Variants in LINGO2 observed in about 807,000 individuals in gnomAD.
LINGO2 encodes the protein leucine-rich repeat and immunoglobulin-like domain-containing nogo receptor-interacting protein 2.
Under a neutral mutation model 30.6 loss-of-function variants are expected in LINGO2, and 14 were observed. The ratio of observed to expected loss-of-function variants is 0.46; its 90% CI spans 0.30 to 0.72. The LOEUF is 0.72. Among genes scored for constraint, LINGO2 ranks in the 30% least tolerant of loss-of-function variants. LINGO2 has a pLI of 0.07. For synonymous variants in LINGO2, 317 were observed against 288.5 expected (o/e 1.10, Z -1.00); for missense variants, 729 against 751.7 (o/e 0.97, Z 0.35).
chr9:28,058,732 A>T (rs1456975082), intron 4 of LINGO2, among the ~76,000 whole-genome samples: 2 of 152,246 alleles, frequency 1.3e-5, no homozygotes, highest in East Asian at 3.9e-4. Flanking sequence ...TAAAATTCCA[A>T]ACTTATCAAA....
intron 4 of LINGO2, among the ~76,000 whole-genome samples, chr9:28,025,292 G>C (rs1823323644): frequency 1.3e-5 from 2 of 152,286 alleles, no homozygotes. Context: ...CCTGCAGTCT[G>C]CCCTATGGGA....
chr9:28,507,251 ATG>A (rs1820188687), intron 1 of LINGO2, among the ~76,000 whole-genome samples: 1 of 115,490 alleles, frequency 8.7e-6, no homozygotes, highest in Non-Finnish European at 1.8e-5. Flanking sequence ...GCGTGCGCAC[ATG>A]TGTGTGTAGA....
At chr9:28,401,768 C>A (rs1822277442) in intron 2 of LINGO2, among the ~76,000 whole-genome samples, 2 of 152,110 alleles carry the variant, frequency 1.3e-5, no homozygotes, top group Non-Finnish European at 2.9e-5. Context: ...TAAACGCATT[C>A]CTATTTCTCC....
chr9:28,420,981 A>T (rs1269686905), intron 2 of LINGO2, among the ~76,000 whole-genome samples: 1 of 152,096 alleles, frequency 6.6e-6, no homozygotes, highest in Non-Finnish European at 1.5e-5. Context: ...AAATGTTTAA[A>T]GAAAATAATA....
chr9:28,224,907 C>T (rs1821095747), intron 4 of LINGO2, among the ~76,000 whole-genome samples: 1 of 152,026 alleles, frequency 6.6e-6, no homozygotes, highest in Non-Finnish European at 1.5e-5. Context: ...AAAACAGCAA[C>T]ATAAAAACAG....
chr9:29,006,821 C>T, the LINGO2 span, among the ~76,000 whole-genome samples: 1 of 152,040 alleles, frequency 6.6e-6, no homozygotes, highest in African/African-American at 2.4e-5. Context: ...CGAAAAATCT[C>T]AGCTGTAAAA....
At chr9:28,554,482 C>A (rs985850789) in intron 1 of LINGO2, among the ~76,000 whole-genome samples, 1 of 147,586 alleles carries the variant, frequency 6.8e-6, no homozygotes, top group Non-Finnish European at 1.5e-5. Context: ...AATACAGGAG[C>A]ACCCAGACTC....
At chr9:29,155,456 A>C in the LINGO2 span, among the ~76,000 whole-genome samples, 1 of 151,980 alleles carries the variant, frequency 6.6e-6, no homozygotes, top group Admixed American at 6.5e-5. Context: ...ACTGACTACA[A>C]TTCTCTCCCA....
intron 2 of LINGO2, among the ~76,000 whole-genome samples, chr9:28,380,879 G>C (rs1821327823): frequency 6.6e-6 from 1 of 152,048 alleles, no homozygotes; most frequent in Admixed American, 6.6e-5. Context: ...ACATGAATGA[G>C]AAATGCTAGG....
chr9:28,746,426 TC>T, the LINGO2 span, among the ~76,000 whole-genome samples: 54 of 152,204 alleles, frequency 3.5e-4, no homozygotes, highest in Non-Finnish European at 4.7e-4. Context: ...ATCCTGCTTT[TC>T]ATATGATTTT....
rs143321132 is a variant in LINGO2 at position 28,305,816 on chromosome 9, G to A, written c.-245-10450C>T. 7.2e-3 allele frequency among the ~76,000 whole-genome samples: 1,095 copies of A among 152,066 alleles called. 9 individuals carry two copies. The highest frequency in any genetic ancestry group is 0.023 in the African/African-American group (950 of 41,512). On this transcript the variant is annotated intron_variant, in intron 3 of 5. Coordinates refer to ENST00000379992, the Ensembl canonical transcript of LINGO2. ...GGGTTTTCTAACCCATGAATGTGGCGTTCATTCATTCATCTGGTCTTTAAT... is the reference window on the plus strand; with the variant it reads ...GGGTTTTCTAACCCATGAATGTGGCATTCATTCATTCATCTGGTCTTTAAT...
chr9:28,151,243 T>C (rs1253464384), intron 4 of LINGO2, among the ~76,000 whole-genome samples: 2 of 152,094 alleles, frequency 1.3e-5, no homozygotes, highest in Non-Finnish European at 2.9e-5. Context: ...TCAATAACTA[T>C]AATTCATTAT....
the LINGO2 span, among the ~76,000 whole-genome samples, chr9:28,899,048 A>C: frequency 1.1e-5 from 1 of 89,348 alleles, no homozygotes. Flanking sequence ...TAATTTGGAC[A>C]ACTATTGTTT....
the LINGO2 span, among the ~76,000 whole-genome samples, chr9:28,790,325 C>CTTTTT: frequency 2.8e-3 from 297 of 106,268 alleles, 4 homozygotes; most frequent in South Asian, 4.2e-3. Context: ...TCTTTTCTTT[C>CTTTTT]TTTTTTTTTT....
chr9:28,622,735 T>C (rs372902854), intron 1 of LINGO2, among the ~76,000 whole-genome samples: 33,100 of 151,646 alleles, frequency 0.22, 4,274 homozygotes, highest in African/African-American at 0.35. Flanking sequence ...TCTATTTTTT[T>C]TTTTTTTTAG....
chr9:28,881,032 A>C, the LINGO2 span, among the ~76,000 whole-genome samples: 1 of 152,086 alleles, frequency 6.6e-6, no homozygotes, highest in Admixed American at 6.6e-5. Flanking sequence ...TAATGAAAAT[A>C]ATAATCAATA....
chr9:28,767,493 G>A, the LINGO2 span, among the ~76,000 whole-genome samples: 1 of 152,098 alleles, frequency 6.6e-6, no homozygotes, highest in South Asian at 2.1e-4. Flanking sequence ...CATTAAAAAA[G>A]TTTATGCCTG....
At chr9:28,444,102 G>T (rs573996238) in intron 2 of LINGO2, among the ~76,000 whole-genome samples, 23 of 152,166 alleles carry the variant, frequency 1.5e-4, no homozygotes, top group Non-Finnish European at 1.5e-5. Flanking sequence ...ACTCAATAAA[G>T]TTCCTCTCTG....
chr9:28,600,180 A>G (rs150034770), intron 1 of LINGO2, among the ~76,000 whole-genome samples: 1 of 152,292 alleles, frequency 6.6e-6, no homozygotes, highest in African/African-American at 2.4e-5. Flanking sequence ...GAATCAGTTT[A>G]TACTTAAAAG....
Sources: allele counts gnomAD v4.1 joint callset (sites outside exome capture counted in the v4.1 genomes callset), GRCh38; gene constraint gnomAD v4.1.1; transcripts MANE v1.5; gene names NCBI Gene and HGNC (gene_info 2026-07-23, HGNC 2026-07-21).